PHYHD1: variants seen among roughly 807,000 people sequenced by gnomAD.
PHYHD1 encodes the protein phytanoyl-CoA dioxygenase domain containing 1.
PHYHD1 carries 42 observed loss-of-function variants against 43.6 expected under a neutral mutation model. The ratio of observed to expected loss-of-function variants is 0.96; its 90% CI spans 0.75 to 1.25. The LOEUF (loss-of-function observed/expected upper bound fraction) is 1.25, where lower values mean the gene tolerates loss of function less well. Ranked by LOEUF, PHYHD1 falls within the 50% of genes most tolerant of loss-of-function variation. The pLI is 0.00. For synonymous variants in PHYHD1, 139 were observed against 143.6 expected, an observed-to-expected ratio of 0.97 and a Z score of 0.23; for missense variants, 342 against 370.8, an observed-to-expected ratio of 0.92 and a Z score of 0.64.
chr9:128,936,393 T>A, intron 6 of PHYHD1, 55 bp from the exon 7 acceptor site: 2 of 1,570,260 alleles, frequency 1.3e-6, no homozygotes, highest in Non-Finnish European at 1.7e-6. Context: ...CAGAGCTGGG[T>A]GTGGAGGGAC....
chr9:128,924,020 G>A (rs983825793), intron 3 of PHYHD1, among the ~76,000 whole-genome samples: 3 of 152,182 alleles, frequency 2.0e-5, no homozygotes, highest in East Asian at 1.9e-4. Context: ...TCAGAAGGCT[G>A]AGGCTGGAGA....
rs114250764 is a variant in PHYHD1, at chr9:128,933,691, G to T, written c.193-91G>T. Reference sequence around the variant, plus strand: ...CCAGGGTGTCTGTAACCCTGTGAGGGTGGGAAGCTTCTGAATCCGCCTCCC... The same window carrying T: ...CCAGGGTGTCTGTAACCCTGTGAGGTTGGGAAGCTTCTGAATCCGCCTCCC... On this transcript the variant is annotated intron_variant, in intron 4 of 12. Transcript: ENST00000372592. 4.8e-5 allele frequency: 66 copies of T among 1,363,626 alleles called. No homozygotes were observed. The African/African-American group carries it at 8.7e-4, about 18-fold the overall frequency. The allele number at this position is 1,363,626 out of a possible 1,614,324, so 84.5% of individuals were successfully genotyped here. A position where few individuals can be genotyped will look rare whatever the true frequency, so the allele number is the denominator to read the frequency against.
chr9:128,930,245 A>G (rs1841235876), intron 4 of PHYHD1, among the ~76,000 whole-genome samples: 1 of 149,836 alleles, frequency 6.7e-6, no homozygotes, highest in African/African-American at 2.5e-5. Flanking sequence ...GCGCCACTGG[A>G]CTCCAGCCTG....
At chr9:128,922,523 T>C (rs545847212) in intron 3 of PHYHD1, among the ~76,000 whole-genome samples, 167 bp downstream of exon 3, 1 of 151,978 alleles carries the variant, frequency 6.6e-6, no homozygotes. Flanking sequence ...TCTTCACACA[T>C]AGCCCTGGGT....
At chr9:128,924,340 C>T (rs566698821) in intron 3 of PHYHD1, among the ~76,000 whole-genome samples, 1 of 152,286 alleles carries the variant, frequency 6.6e-6, no homozygotes, top group East Asian at 1.9e-4. Context: ...ATGGTGTGAA[C>T]CCGGGAGGCG....
At chr9:128,932,188 T>TATTA (rs1564540472) in intron 4 of PHYHD1, among the ~76,000 whole-genome samples, 1 of 139,890 alleles carries the variant, frequency 7.1e-6, no homozygotes, top group African/African-American at 2.8e-5. Flanking sequence ...ATTATTATTT[T>TATTA]TTTTTTTTGA....
At position 128,933,923 on chromosome 9, in the gene PHYHD1, G is replaced by A. The variant is rs1841360814; in HGVS notation, c.268+66G>A. 3 of 1,603,980 alleles carry A rather than the reference G, an allele frequency of 1.9e-6. No homozygotes were observed. In the South Asian group the frequency reaches 3.3e-5, roughly 18 times the overall value. Reference sequence around the variant, plus strand: ...GAGGGTAGGCTGGACCTGGGAATCTGCCCCCTGGGCTGGAAGCATGCTGAA... The same window carrying A: ...GAGGGTAGGCTGGACCTGGGAATCTACCCCCTGGGCTGGAAGCATGCTGAA... On this transcript the variant is annotated intron_variant, in intron 5 of 12. Transcript: ENST00000372592.
At chr9:128,936,675 CA>C in intron 8 of PHYHD1, 30 bp downstream of exon 8, 1 of 1,548,942 alleles carries the variant, frequency 6.5e-7, no homozygotes, top group Non-Finnish European at 8.7e-7. Context: ...CTCAGTTTAC[CA>C]TCTGTAAAAT....
In PHYHD1 at chr9:128,941,849, C is replaced by T; in HGVS notation, c.*136C>T. 1 of 1,240,102 alleles carries T rather than the reference C, an allele frequency of 8.1e-7. No homozygotes were observed. The highest frequency in any genetic ancestry group is 1.5e-5 in the African/African-American group (1 of 66,792). 76.8% of individuals were successfully genotyped at this position (1,240,102 alleles called of 1,614,324 possible). A position where few individuals can be genotyped will look rare whatever the true frequency, so the allele number is the denominator to read the frequency against. The stretch of plus-strand genomic sequence containing the variant: ...CTGGGCTTTCCTCCTGCCCTGTGGG[C>T]AGCAGCCTAGGCTGGGTCAGGGGCT... On this transcript the variant is annotated 3_prime_UTR_variant, in exon 13 of 13. Coordinates refer to ENST00000372592, the MANE Select transcript of PHYHD1 (RefSeq NM_001100876.2).
rs1157287849 is a variant in PHYHD1, at chr9:128,942,024, C to T, written c.*311C>T. ...TATGGTGTTAGTTATCGAATAAAAA[C>T]GACTTCAGAATGCAGCTTCCCTACT... On this transcript the variant is annotated 3_prime_UTR_variant, in exon 13 of 13. Transcript: ENST00000372592. The T allele has an allele frequency of 1.6e-5, 7 of 448,488 alleles. No homozygotes were observed. The highest frequency in any genetic ancestry group is 1.1e-4 in the South Asian group (3 of 28,368). 27.8% of individuals were successfully genotyped at this position (448,488 alleles called of 1,614,324 possible).
At chr9:128,929,912 G>C (rs1458047335) in intron 4 of PHYHD1, among the ~76,000 whole-genome samples, 2 of 151,278 alleles carry the variant, frequency 1.3e-5, no homozygotes, top group African/African-American at 4.9e-5. Context: ...CAAATCACTT[G>C]AGCTCAGGAG....
chr9:128,922,340 C>T lies in PHYHD1; in HGVS notation c.17C>T (p.Pro6Leu), dbSNP rs1588241956. MACLSPSQLQKFQQDG... is the reference protein window; with the variant it reads MACLSLSQLQKFQQDG... The stretch of plus-strand genomic sequence containing the variant: ...AGCGTCTCCATGGCCTGCCTGAGCC[C>T]CTCGCAGCTCCAGAAGGTAGGAGCC... The change falls in exon 3 of 13, where the codon CCC (proline) becomes CTC (leucine). Residue 6 changes from proline (P) to leucine (L), a missense_variant. By Grantham distance (98) the Pro-to-Leu change is moderately conservative. Coordinates refer to ENST00000372592, the MANE Select transcript of PHYHD1 (RefSeq NM_001100876.2). 1.3e-6 allele frequency: 2 copies of T among 1,550,390 alleles called. No homozygotes were observed. Among genetic ancestry groups the T allele is most frequent in the Non-Finnish European group, 1.7e-6 (2 of 1,147,070 alleles).
intron 4 of PHYHD1, among the ~76,000 whole-genome samples, chr9:128,928,113 G>T (rs1841183546): frequency 6.6e-6 from 1 of 152,216 alleles, no homozygotes; most frequent in South Asian, 2.1e-4. Context: ...CTGCCATCTG[G>T]TGGGCATTAG....
intron 3 of PHYHD1, among the ~76,000 whole-genome samples, chr9:128,923,349 CA>C (rs1841052322): frequency 6.6e-6 from 1 of 152,088 alleles, no homozygotes; most frequent in Non-Finnish European, 1.5e-5. Flanking sequence ...AGTGCTGGGA[CA>C]ACAAGGCATG....
intron 4 of PHYHD1, among the ~76,000 whole-genome samples, chr9:128,932,674 G>T (rs1200267084): frequency 1.6e-5 from 1 of 61,790 alleles, no homozygotes; most frequent in Non-Finnish European, 3.6e-5. Context: ...GCAATTTTTT[G>T]TATTTTTAGT....
At chr9:128,926,604 G>A (rs1448551044) in intron 3 of PHYHD1, among the ~76,000 whole-genome samples, 4 of 142,918 alleles carry the variant, frequency 2.8e-5, no homozygotes, top group Non-Finnish European at 6.0e-5. Context: ...TGTTGCTCAG[G>A]CTGGAGTGCA....
chr9:128,941,694 T>C lies in PHYHD1; in HGVS notation c.857T>C (p.Phe286Ser), dbSNP rs974138263. The C allele has an allele frequency of 1.2e-6, 2 of 1,614,190 alleles. No individual in the cohort carries two copies. The highest frequency in any genetic ancestry group is 1.7e-6 in the Non-Finnish European group (2 of 1,180,038). The part of the protein sequence containing the change: ...NWLQPTAELP[F>S]PQLYT Reference sequence around the variant, plus strand: ...CTCCAGCCAACAGCTGAACTGCCCTTTCCCCAACTGTACACCTAAAGGCTC... The same window carrying C: ...CTCCAGCCAACAGCTGAACTGCCCTCTCCCCAACTGTACACCTAAAGGCTC... Residue 286 changes from phenylalanine to serine, a missense_variant, in exon 13 of 13, where the codon TTT (phenylalanine) becomes TCT (serine). Phe to Ser is a radical substitution (Grantham distance 155, BLOSUM62 -2). Transcript: ENST00000372592.
chr9:128,932,184 A>ATTTTTTTTTTTTT (rs1258300033), intron 4 of PHYHD1, among the ~76,000 whole-genome samples: 1 of 108,694 alleles, frequency 9.2e-6, no homozygotes, highest in Non-Finnish European at 1.7e-5. Flanking sequence ...TATTATTATT[A>ATTTTTTTTTTTTT]TTTTTTTTTT....
At chr9:128,929,067 G>A (rs1304151168) in intron 4 of PHYHD1, among the ~76,000 whole-genome samples, 1 of 152,126 alleles carries the variant, frequency 6.6e-6, no homozygotes, top group African/African-American at 2.4e-5. Flanking sequence ...GGTGGCTCAT[G>A]CCTGTAATCC....
Sources: gnomAD v4.1 joint callset for allele counts (sites outside exome capture counted in the v4.1 genomes callset) on GRCh38, gnomAD v4.1.1 for gene constraint, MANE v1.5 for transcripts, NCBI Gene and HGNC (gene_info 2026-07-23, HGNC 2026-07-21) for gene names.